The following GSKIP variants were observed in gnomAD, a reference collection of about 807,000 sequenced individuals.
GSKIP encodes the protein GSK3B interacting protein.
In GSKIP, 5 loss-of-function variants were observed where a neutral mutation model predicts 11.9. That is an observed-to-expected ratio of 0.42 (90% CI 0.22 to 0.89). GSKIP has a LOEUF of 0.89. Ranked by LOEUF, GSKIP falls within the 40% of genes least tolerant of loss-of-function variation. GSKIP has a pLI of 0.29. For missense variants in GSKIP, 150 were observed against 166.6 expected (o/e 0.90, Z 0.55); for synonymous variants, 70 against 62.9 (o/e 1.11, Z -0.54).
At chr14:96,367,898 A>G (rs1310245882) in intron 1 of GSKIP, among the ~76,000 whole-genome samples, 2 of 152,202 alleles carry the variant, frequency 1.3e-5, no homozygotes, top group Admixed American at 1.3e-4. Context: ...TTTGCTAGAA[A>G]CAGAATATTG....
chr14:96,364,717 T>C (rs1388746348), intron 1 of GSKIP: 1 of 152,222 alleles, frequency 6.6e-6, no homozygotes, highest in Non-Finnish European at 1.5e-5. Context: ...CAGAAATATT[T>C]GTTAAGGTCC....
chr14:96,365,915 A>G (rs1301230571), intron 1 of GSKIP, among the ~76,000 whole-genome samples: 2 of 151,996 alleles, frequency 1.3e-5, no homozygotes, highest in African/African-American at 2.4e-5. Flanking sequence ...CTAAGTTTCT[A>G]TGGGATCATG....
At chr14:96,368,899 CTGGGTAA>C (rs1888971913) in intron 1 of GSKIP, among the ~76,000 whole-genome samples, 1 of 152,120 alleles carries the variant, frequency 6.6e-6, no homozygotes, top group Non-Finnish European at 1.5e-5. Context: ...AGCTTTAGAA[CTGGGTAA>C]TGGGCAGAGG....
Position 96,387,262 on chromosome 14 carries a change from C to T in GSKIP, c.*1578C>T, listed in dbSNP as rs946862492. On this transcript the variant is annotated 3_prime_UTR_variant, in exon 4 of 4. Coordinates refer to ENST00000555181, the MANE Select transcript of GSKIP (RefSeq NM_016472.5). ...TGTATGTTTAAGAATTGAAATTGTTCATTTTGTGATAAATGATTAATTCCA... is the reference window on the plus strand; with the variant it reads ...TGTATGTTTAAGAATTGAAATTGTTTATTTTGTGATAAATGATTAATTCCA... 1 of 152,134 alleles carries T rather than the reference C, an allele frequency of 6.6e-6. No individual in the cohort carries two copies. Among genetic ancestry groups the T allele is most frequent in the Admixed American group, 6.5e-5 (1 of 15,278 alleles). The allele number at this position is 152,134 out of a possible 1,614,324, so 9.4% of individuals were successfully genotyped here. A position where few individuals can be genotyped will look rare whatever the true frequency, so the allele number is the denominator to read the frequency against.
At chr14:96,370,552 G>T (rs11850103) in intron 1 of GSKIP, among the ~76,000 whole-genome samples, 1 of 150,114 alleles carries the variant, frequency 6.7e-6, no homozygotes, top group Middle Eastern at 3.4e-3. Flanking sequence ...TGAATGGCCC[G>T]GTGTCTTTCT....
chr14:96,366,476 T>C lies in GSKIP; in HGVS notation c.-103+2908T>C, dbSNP rs558179223. Among the ~76,000 whole-genome samples the C allele has an allele frequency of 5.2e-5, 8 of 152,382 alleles. No homozygotes were observed. In the South Asian group the frequency reaches 6.2e-4, roughly 12 times the overall value. ...TGTTAAGGTTTAGGACCTGTCATTATGATATCTTTGGCTACAGTAGGGTAC... is the reference window on the plus strand; with the variant it reads ...TGTTAAGGTTTAGGACCTGTCATTACGATATCTTTGGCTACAGTAGGGTAC... On this transcript the variant is annotated intron_variant, in intron 1 of 3. Transcript: ENST00000555181.
At chr14:96,383,678 A>G (rs1297850539) in intron 3 of GSKIP, among the ~76,000 whole-genome samples, 1 of 152,218 alleles carries the variant, frequency 6.6e-6, no homozygotes, top group African/African-American at 2.4e-5. Context: ...TGTATACTGT[A>G]TATTCCTTGA....
chr14:96,366,632 C>T lies in GSKIP; in HGVS notation c.-103+3064C>T, dbSNP rs1888891847. 3.3e-5 allele frequency among the ~76,000 whole-genome samples: 5 copies of T among 152,142 alleles called. No homozygotes were observed. The South Asian group carries it at 1.0e-3, about 32-fold the overall frequency. On this transcript the variant is annotated intron_variant, in intron 1 of 3. Coordinates refer to ENST00000555181, the MANE Select transcript of GSKIP (RefSeq NM_016472.5). ...CCCTGGCCAGGTGTGGTGACGTGCC[C>T]CTGTAATCCCAGCACTTTGGAAGGC...
In GSKIP at chr14:96,368,061, TAAG is replaced by T. The variant is rs1398261398; in HGVS notation, c.-103+4496_-103+4498del. 3.9e-5 allele frequency among the ~76,000 whole-genome samples: 6 copies of T among 151,946 alleles called. No homozygotes were observed. The East Asian group carries it at 5.8e-4, about 15-fold the overall frequency. On this transcript the variant is annotated intron_variant, in intron 1 of 3. Transcript: ENST00000555181. The stretch of plus-strand genomic sequence containing the variant: ...TATTTCCTAGAGGATTATATAGAAA[TAAG>T]AAACTGTAATAACTGGAATTTTTTT...
chr14:96,369,818 C>T (rs934729144), intron 1 of GSKIP, among the ~76,000 whole-genome samples: 6 of 152,058 alleles, frequency 3.9e-5, no homozygotes, highest in Admixed American at 6.6e-5. Flanking sequence ...GTTGGAGCCC[C>T]GATGGAGAGT....
chr14:96,377,266 G>A (rs1024784549), intron 1 of GSKIP, among the ~76,000 whole-genome samples: 1 of 152,206 alleles, frequency 6.6e-6, no homozygotes, highest in Admixed American at 6.5e-5. Context: ...ATCACAGAAA[G>A]TTCCATTCAT....
intron 3 of GSKIP, 80 bp from the exon 4 acceptor site, chr14:96,385,443 A>T: frequency 9.3e-7 from 1 of 1,071,044 alleles, no homozygotes; most frequent in Non-Finnish European, 1.4e-6. Flanking sequence ...TGAAAGGATG[A>T]TTACTCACAT....
intron 1 of GSKIP, among the ~76,000 whole-genome samples, chr14:96,378,557 T>C (rs1889263261): frequency 6.6e-6 from 1 of 152,230 alleles, no homozygotes; most frequent in Non-Finnish European, 1.5e-5. Flanking sequence ...AGAGAATAAG[T>C]GTGTGCTATT....
intron 3 of GSKIP, among the ~76,000 whole-genome samples, chr14:96,384,980 A>G (rs1346449280): frequency 6.6e-6 from 1 of 152,130 alleles, no homozygotes; most frequent in East Asian, 1.9e-4. Flanking sequence ...TTATTAATAA[A>G]CAATTATTAA....
At chr14:96,366,453 T>A (rs1470803085) in intron 1 of GSKIP, among the ~76,000 whole-genome samples, 1 of 152,232 alleles carries the variant, frequency 6.6e-6, no homozygotes, top group Non-Finnish European at 1.5e-5. Flanking sequence ...AGTATAAATG[T>A]TAAGGTTTAG....
Position 96,385,664 on chromosome 14 carries a change from A to G in GSKIP, c.400A>G (p.Lys134Glu), listed in dbSNP as rs1889471180. The G allele has an allele frequency of 6.2e-6, 10 of 1,612,906 alleles. No individual in the cohort carries two copies. The highest frequency in any genetic ancestry group is 1.3e-5 in the African/African-American group (1 of 74,968). ...NALLQRLEAL[K>E]RDGQS The stretch of plus-strand genomic sequence containing the variant: ...ACTGCTTCAAAGACTGGAAGCTTTG[A>G]AAAGAGATGGACAGTCATGACTACA... The change falls in exon 4 of 4, where the codon AAA becomes GAA. Residue 134 changes from lysine (K) to glutamate (E), a missense_variant. By Grantham distance (56) the Lys-to-Glu change is moderately conservative (BLOSUM62 1). Coordinates refer to ENST00000555181, the MANE Select transcript of GSKIP (RefSeq NM_016472.5).
chr14:96,385,699 T>A lies in GSKIP; in HGVS notation c.*15T>A. On this transcript the variant is annotated 3_prime_UTR_variant, in exon 4 of 4. Transcript: ENST00000555181. ...GACAGTCATGACTACACTTTTTCCT[T>A]TCAGAGGGGCTGGTGCTGGTACAGA... is the stretch of plus-strand genomic sequence containing the variant. 1 of 1,600,584 alleles carries A rather than the reference T, an allele frequency of 6.2e-7. No individual in the cohort carries two copies. Among genetic ancestry groups the A allele is most frequent in the Non-Finnish European group, 8.5e-7 (1 of 1,173,666 alleles).
At chr14:96,380,438 A>G (rs1201920945) in intron 2 of GSKIP, 1 of 152,150 alleles carries the variant, frequency 6.6e-6, no homozygotes, top group Non-Finnish European at 1.5e-5. Flanking sequence ...GTGGCTGCAC[A>G]GCAAAATCAC....
Position 96,386,543 on chromosome 14 carries a change from ATATT to A in GSKIP, c.*860_*863del, listed in dbSNP as rs1158924787. 2.0e-5 allele frequency: 3 copies of A among 152,664 alleles called. No individual in the cohort carries two copies. Among genetic ancestry groups the A allele is most frequent in the African/African-American group, 7.2e-5 (3 of 41,460 alleles). 9.5% of individuals were successfully genotyped at this position (152,664 alleles called of 1,614,324 possible). On this transcript the variant is annotated 3_prime_UTR_variant, in exon 4 of 4. Coordinates refer to ENST00000555181, the MANE Select transcript of GSKIP (RefSeq NM_016472.5). ...TGTGTGTTTACATAATGTACAGTAT[ATATT>A]CAGAAAGTATTTTTGCTTCAACGTT...
Sources: allele counts gnomAD v4.1 joint callset (sites outside exome capture counted in the v4.1 genomes callset), GRCh38; gene constraint gnomAD v4.1.1; transcripts MANE v1.5; gene names NCBI Gene and HGNC (gene_info 2026-07-23, HGNC 2026-07-21).